RABGAP1L: variants seen among roughly 807,000 people sequenced by gnomAD.
The protein encoded by RABGAP1L is RAB GTPase activating protein 1 like, also known as rab GTPase-activating protein 1-like.
In RABGAP1L, 63 loss-of-function variants were observed where a neutral mutation model predicts 137.7. The ratio of observed to expected loss-of-function variants is 0.46; its 90% CI spans 0.37 to 0.56. The LOEUF is 0.56. RABGAP1L is among the 20% of genes least tolerant of loss of function. The pLI, the probability that RABGAP1L is intolerant of heterozygous loss-of-function variation, is 0.00. For synonymous variants in RABGAP1L, 431 were observed against 433.7 expected (o/e 0.99, Z 0.08); for missense variants, 1,095 against 1,244.0 (o/e 0.88, Z 1.80).
At chr1:174,969,691 A>G (rs1259048729) in intron 21 of RABGAP1L, among the ~76,000 whole-genome samples, 2 of 152,250 alleles carry the variant, frequency 1.3e-5, no homozygotes, top group South Asian at 2.1e-4. Context: ...CACCAAGAAT[A>G]TGCCTGTACT....
intron 19 of RABGAP1L, among the ~76,000 whole-genome samples, chr1:174,837,492 C>T (rs895538902): frequency 6.6e-6 from 1 of 152,184 alleles, no homozygotes; most frequent in African/African-American, 2.4e-5. Flanking sequence ...TTGGGCAAAT[C>T]TCACACACAG....
chr1:174,656,681 T>C (rs1437898390), intron 14 of RABGAP1L, among the ~76,000 whole-genome samples: 1 of 152,218 alleles, frequency 6.6e-6, no homozygotes, highest in East Asian at 1.9e-4. Flanking sequence ...TATTATTGTT[T>C]GTTGTGGCAG....
chr1:174,642,666 CCTCCT>C lies in RABGAP1L; in HGVS notation c.1824+5194_1824+5198del, dbSNP rs148571292. On this transcript the variant is annotated intron_variant, in intron 14 of 25. Transcript: ENST00000681986. ...CTCCTCTCCTCTCCCCACCCTCTCC[CCTCCT>C]CTCCTCTCCTCTCCTTTCTCTGTCT... 4.9e-3 allele frequency among the ~76,000 whole-genome samples: 733 copies of C among 148,916 alleles called. 8 individuals carry two copies. Among genetic ancestry groups the C allele is most frequent in the African/African-American group, 0.017 (668 of 40,304 alleles).
At chr1:174,712,056 G>A in intron 17 of RABGAP1L, among the ~76,000 whole-genome samples, 1 of 152,190 alleles carries the variant, frequency 6.6e-6, no homozygotes, top group East Asian at 1.9e-4. Flanking sequence ...AGCACTTTGT[G>A]TCTAGCTCAA....
At chr1:174,551,784 C>T (rs1332912810) in intron 13 of RABGAP1L, among the ~76,000 whole-genome samples, 1 of 151,576 alleles carries the variant, frequency 6.6e-6, no homozygotes, top group Non-Finnish European at 1.5e-5. Context: ...AATTGGTAAA[C>T]CTTTGACAAG....
chr1:174,238,615 G>C (rs1163990643), intron 4 of RABGAP1L, among the ~76,000 whole-genome samples: 1 of 151,028 alleles, frequency 6.6e-6, no homozygotes, highest in Non-Finnish European at 1.5e-5. Context: ...TGAGGAGGCA[G>C]TCTGCCCGTT....
intron 14 of RABGAP1L, among the ~76,000 whole-genome samples, chr1:174,648,093 T>C (rs1675141510): frequency 6.6e-6 from 1 of 152,158 alleles, no homozygotes; most frequent in South Asian, 2.1e-4. Context: ...TTCTTCTCTC[T>C]TTTCTTTTTT....
Position 174,482,823 on chromosome 1 carries a change from T to C in RABGAP1L, c.1710+88678T>C, listed in dbSNP as rs1032964161. On this transcript the variant is annotated intron_variant, in intron 13 of 25. Transcript: ENST00000681986. ...CATATACACAGCTTTCTGATTTCTT[T>C]TTATTTGAGCTTCATAATTTGAAAA... is the stretch of plus-strand genomic sequence containing the variant. Among the ~76,000 whole-genome samples the C allele has an allele frequency of 6.7e-4, 102 of 152,324 alleles. 1 individual carries two copies. Among genetic ancestry groups the C allele is most frequent in the African/African-American group, 2.3e-3 (94 of 41,570 alleles).
At chr1:174,546,255 C>G (rs1033065787) in intron 13 of RABGAP1L, among the ~76,000 whole-genome samples, 1 of 152,064 alleles carries the variant, frequency 6.6e-6, no homozygotes, top group Non-Finnish European at 1.5e-5. Flanking sequence ...GAAGAGTATA[C>G]TATAACCAAG....
intron 13 of RABGAP1L, among the ~76,000 whole-genome samples, chr1:174,626,123 G>C (rs540984062): frequency 6.6e-6 from 1 of 152,164 alleles, no homozygotes; most frequent in Non-Finnish European, 1.5e-5. Context: ...AAGTTCCCCA[G>C]TTGGGACAAT....
intron 13 of RABGAP1L, among the ~76,000 whole-genome samples, chr1:174,413,766 A>G (rs76545003): frequency 0.013 from 2,027 of 152,048 alleles, 50 homozygotes; most frequent in African/African-American, 0.045. Context: ...CAAGTTTTAT[A>G]TTGGGCTGTG....
intron 11 of RABGAP1L, among the ~76,000 whole-genome samples, chr1:174,322,017 T>C (rs1354559424): frequency 6.6e-6 from 1 of 152,180 alleles, no homozygotes; most frequent in Non-Finnish European, 1.5e-5. Flanking sequence ...TTTGCACATA[T>C]TTCTTTCATT....
At chr1:174,245,001 T>A (rs535033340) in intron 5 of RABGAP1L, 1 of 152,340 alleles carries the variant, frequency 6.6e-6, no homozygotes, top group African/African-American at 2.4e-5. Context: ...AGATACTTAT[T>A]CTTATTGCAT....
intron 13 of RABGAP1L, among the ~76,000 whole-genome samples, chr1:174,430,217 A>G (rs1047524406): frequency 1.3e-5 from 2 of 151,996 alleles, no homozygotes; most frequent in Non-Finnish European, 2.9e-5. Flanking sequence ...CTCCATCTCT[A>G]CAAAAAATAC....
At chr1:174,706,198 A>T (rs1680032883) in intron 17 of RABGAP1L, among the ~76,000 whole-genome samples, 1 of 152,188 alleles carries the variant, frequency 6.6e-6, no homozygotes, top group Non-Finnish European at 1.5e-5. Flanking sequence ...TTAGCAGAAA[A>T]GAGAAGAATT....
chr1:174,476,198 C>G (rs574666855), intron 13 of RABGAP1L, among the ~76,000 whole-genome samples: 4 of 152,274 alleles, frequency 2.6e-5, no homozygotes, highest in African/African-American at 9.6e-5. Flanking sequence ...TAACCTTTAG[C>G]ATTCTGAGTT....
intron 19 of RABGAP1L, among the ~76,000 whole-genome samples, chr1:174,872,577 T>G (rs1261498544): frequency 6.7e-6 from 1 of 149,588 alleles, no homozygotes; most frequent in East Asian, 1.9e-4. Context: ...TTTTTTTTTT[T>G]AAGAGGCAGC....
Position 174,662,368 on chromosome 1 carries a change from T to G in RABGAP1L, c.1825-21154T>G, listed in dbSNP as rs566892761. On this transcript the variant is annotated intron_variant, in intron 14 of 25. Coordinates refer to ENST00000681986, the MANE Select transcript of RABGAP1L (RefSeq NM_001366446.1). ...ATCCATCCGCCTTGGCCTCCCAAAA[T>G]GCTGGGATTACAGGCGTGAGCCACC... Among the ~76,000 whole-genome samples the G allele has an allele frequency of 3.9e-5, 6 of 152,110 alleles. No homozygotes were observed. The South Asian group carries it at 1.2e-3, about 32-fold the overall frequency.
At chr1:174,983,018 A>G in intron 24 of RABGAP1L, 113 bp downstream of exon 24, 1 of 1,117,758 alleles carries the variant, frequency 8.9e-7, no homozygotes, top group South Asian at 1.4e-5. Flanking sequence ...TATTAATAGG[A>G]ATTATGGAGA....
Sources: allele counts gnomAD v4.1 joint callset (sites outside exome capture counted in the v4.1 genomes callset), GRCh38; gene constraint gnomAD v4.1.1; transcripts MANE v1.5; gene names NCBI Gene and HGNC (gene_info 2026-07-23, HGNC 2026-07-21).